CTNNBIP1: variants seen among roughly 807,000 people sequenced by gnomAD.
The protein encoded by CTNNBIP1 is beta-catenin-interacting protein 1.
A neutral mutation model predicts 11.8 loss-of-function variants in CTNNBIP1; 7 were observed. That is an observed-to-expected ratio of 0.60 (90% CI 0.34 to 1.12). The LOEUF (loss-of-function observed/expected upper bound fraction) is 1.12. Ranked by LOEUF, CTNNBIP1 falls within the 50% of genes most tolerant of loss-of-function variation. CTNNBIP1 has a pLI of 0.03. For missense variants in CTNNBIP1, 101 were observed against 113.4 expected, an observed-to-expected ratio of 0.89 and a Z score of 0.50; for synonymous variants, 58 against 43.9, an observed-to-expected ratio of 1.32 and a Z score of -1.26.
chr1:9,854,473 A>G (rs1638461732), intron 5 of CTNNBIP1, among the ~76,000 whole-genome samples: 1 of 152,140 alleles, frequency 6.6e-6, no homozygotes. Flanking sequence ...TTTGTTGTGA[A>G]AACTCTCCCT....
In CTNNBIP1 at chr1:9,892,826, T is replaced by C. The variant is rs1639336423; in HGVS notation, c.-143-9088A>G. Among the ~76,000 whole-genome samples, 4 of 152,242 alleles carry C rather than the reference T, an allele frequency of 2.6e-5. No individual in the cohort carries two copies. The South Asian group carries it at 6.2e-4, about 24-fold the overall frequency. On this transcript the variant is annotated intron_variant, in intron 1 of 5. Transcript: ENST00000377263. ...AAGCAGGAGGCGACCTTCCTGATCCTTTCCCCTCCAGCTACCTCGGAACAA... is the reference window on the plus strand; with the variant it reads ...AAGCAGGAGGCGACCTTCCTGATCCCTTCCCCTCCAGCTACCTCGGAACAA...
chr1:9,885,811 G>A (rs768663258), intron 1 of CTNNBIP1, among the ~76,000 whole-genome samples: 6 of 151,976 alleles, frequency 3.9e-5, no homozygotes, highest in Non-Finnish European at 7.4e-5. Flanking sequence ...TGTTGGTAGT[G>A]CATGCCTGTA....
intron 1 of CTNNBIP1, among the ~76,000 whole-genome samples, chr1:9,900,239 C>CA (rs1322876889): frequency 6.6e-6 from 1 of 151,492 alleles, no homozygotes; most frequent in African/African-American, 2.4e-5. Flanking sequence ...ACTAAAAATA[C>CA]AAAAAATTAG....
intron 5 of CTNNBIP1, among the ~76,000 whole-genome samples, chr1:9,866,346 G>C (rs1638745205): frequency 6.6e-6 from 1 of 152,210 alleles, no homozygotes. Context: ...TGCTCACCAA[G>C]CTAAAGGGGC....
Position 9,854,626 on chromosome 1 carries a change from T to C in CTNNBIP1, c.188-3850A>G, listed in dbSNP as rs151114460. Among the ~76,000 whole-genome samples, 843 of 152,218 alleles carry C rather than the reference T, an allele frequency of 5.5e-3. 11 individuals carry two copies. Among genetic ancestry groups the C allele is most frequent in the African/African-American group, 0.02 (810 of 41,536 alleles). On this transcript the variant is annotated intron_variant, in intron 5 of 5. Transcript: ENST00000377263. ...AAAGGAAGAAGTAAAACTATCCCTA[T>C]TTGTAGATGACATGATCTTATATGT...
At chr1:9,863,395 C>G (rs1321064114) in intron 5 of CTNNBIP1, among the ~76,000 whole-genome samples, 1 of 152,222 alleles carries the variant, frequency 6.6e-6, no homozygotes, top group African/African-American at 2.4e-5. Flanking sequence ...ACTATAATTT[C>G]AGTGCAGAGT....
chr1:9,873,839 A>G (rs756606543), intron 3 of CTNNBIP1, among the ~76,000 whole-genome samples: 2 of 152,072 alleles, frequency 1.3e-5, no homozygotes, highest in African/African-American at 2.4e-5. Flanking sequence ...GGCTTTAGCA[A>G]TCCTCCCAAC....
chr1:9,899,900 C>T (rs1455264746), intron 1 of CTNNBIP1, among the ~76,000 whole-genome samples: 9 of 151,554 alleles, frequency 5.9e-5, no homozygotes, highest in Non-Finnish European at 1.2e-4. Context: ...ATGGCAAAGC[C>T]CCACCTTTAC....
At chr1:9,890,772 G>A (rs1380557263) in intron 1 of CTNNBIP1, among the ~76,000 whole-genome samples, 1 of 152,194 alleles carries the variant, frequency 6.6e-6, no homozygotes, top group African/African-American at 2.4e-5. Context: ...GGCATCAAAA[G>A]ATCCTCTGTG....
At chr1:9,888,672 C>G (rs1285543885) in intron 1 of CTNNBIP1, among the ~76,000 whole-genome samples, 1 of 152,242 alleles carries the variant, frequency 6.6e-6, no homozygotes, top group African/African-American at 2.4e-5. Context: ...GCTAGCCCTC[C>G]TCCAGTGGGG....
rs1638863540 is a variant in CTNNBIP1, at chr1:9,871,666, C to T, written c.96+303G>A. Among the ~76,000 whole-genome samples, 1 of 152,174 alleles carries T rather than the reference C, an allele frequency of 6.6e-6. No individual in the cohort carries two copies. The highest frequency in any genetic ancestry group is 1.5e-5 in the Non-Finnish European group (1 of 68,026). On this transcript the variant is annotated intron_variant, in intron 4 of 5. Coordinates refer to ENST00000377263, the MANE Select transcript of CTNNBIP1 (RefSeq NM_020248.3). This position sits in a 1 kb window ranked among gnomAD's most constrained non-coding sequence, Gnocchi z 5.2. ...TCCTGACAAGTTGTCCCTGAGCTGCCCCCTGGGAGAGAAGACTTTCGGGCT... is the reference window on the plus strand; with the variant it reads ...TCCTGACAAGTTGTCCCTGAGCTGCTCCCTGGGAGAGAAGACTTTCGGGCT...
Position 9,850,537 on chromosome 1 carries a change from C to T in CTNNBIP1, c.*181G>A. The T allele has an allele frequency of 1.6e-6, 1 of 614,868 alleles. No individual in the cohort carries two copies. Among genetic ancestry groups the T allele is most frequent in the Non-Finnish European group, 3.0e-6 (1 of 333,652 alleles). The allele number at this position is 614,868 out of a possible 1,614,324, so 38.1% of individuals were successfully genotyped here. A position where few individuals can be genotyped will look rare whatever the true frequency, so the allele number is the denominator to read the frequency against. On this transcript the variant is annotated 3_prime_UTR_variant, in exon 6 of 6. Transcript: ENST00000377263. ...CCCTTTAAGCCAATTATAAACGCACCACTGGTGTCTCCCTTGATGCCAGCC... is the reference window on the plus strand; with the variant it reads ...CCCTTTAAGCCAATTATAAACGCACTACTGGTGTCTCCCTTGATGCCAGCC...
chr1:9,858,108 C>T (rs1638546054), intron 5 of CTNNBIP1, among the ~76,000 whole-genome samples: 1 of 152,206 alleles, frequency 6.6e-6, no homozygotes, highest in African/African-American at 2.4e-5. Context: ...ATTGACTCTA[C>T]TTCGCTACTT....
intron 5 of CTNNBIP1, among the ~76,000 whole-genome samples, chr1:9,856,584 T>G (rs1398489391): frequency 1.3e-5 from 2 of 149,516 alleles, no homozygotes; most frequent in African/African-American, 2.5e-5. Flanking sequence ...GTGATCTCAA[T>G]CTCACCACAA....
chr1:9,866,392 A>G (rs924354745), intron 5 of CTNNBIP1, among the ~76,000 whole-genome samples: 2 of 152,182 alleles, frequency 1.3e-5, no homozygotes, highest in Non-Finnish European at 2.9e-5. Context: ...GAGCCACTGA[A>G]TGATTTTAAG....
At position 9,848,861 on chromosome 1, in the gene CTNNBIP1, G is replaced by A. The variant is rs1490357382; in HGVS notation, c.*1857C>T. On this transcript the variant is annotated 3_prime_UTR_variant, in exon 6 of 6. Coordinates refer to ENST00000377263, the MANE Select transcript of CTNNBIP1 (RefSeq NM_020248.3). This position sits in a 1 kb window ranked among gnomAD's most constrained non-coding sequence, Gnocchi z 4.3. ...ATCCTCCTTCTGGAACAGGCTGATG[G>A]TGCCAGAGCACAGCACGAACCACCT... 6.6e-6 allele frequency: 1 copy of A among 152,342 alleles called. No individual in the cohort carries two copies. The highest frequency in any genetic ancestry group is 1.9e-4 in the East Asian group (1 of 5,192). 9.4% of individuals were successfully genotyped at this position (152,342 alleles called of 1,614,324 possible). A position where few individuals can be genotyped will look rare whatever the true frequency, so the allele number is the denominator to read the frequency against.
At chr1:9,909,303 T>C (rs990811053) in intron 1 of CTNNBIP1, among the ~76,000 whole-genome samples, 2 of 151,502 alleles carry the variant, frequency 1.3e-5, no homozygotes, top group Admixed American at 1.3e-4. Context: ...AGACAGGAGG[T>C]GGTGCAAGCC....
chr1:9,890,314 T>C (rs1221976196), intron 1 of CTNNBIP1, among the ~76,000 whole-genome samples: 1 of 152,204 alleles, frequency 6.6e-6, no homozygotes, highest in Non-Finnish European at 1.5e-5. Flanking sequence ...CTGGGCTATG[T>C]CTTCAGGCTC....
rs555868191 is a variant in CTNNBIP1, at chr1:9,851,994, C to G, written c.188-1218G>C. On this transcript the variant is annotated intron_variant, in intron 5 of 5. Transcript: ENST00000377263. The surrounding 1 kb of genome is among the most constrained non-coding windows in gnomAD (Gnocchi z 4.8). ...GCCCCGAAAAGTACCAGTCTGGCTG[C>G]CCATGGTCTTTCTGACATGTTGTCT... 1.8e-3 allele frequency among the ~76,000 whole-genome samples: 281 copies of G among 152,324 alleles called. 1 individual carries two copies. Among genetic ancestry groups the G allele is most frequent in the African/African-American group, 6.5e-3 (272 of 41,570 alleles).
Sources: allele counts gnomAD v4.1 joint callset (sites outside exome capture counted in the v4.1 genomes callset), GRCh38; gene constraint gnomAD v4.1.1; non-coding constraint Gnocchi (gnomAD v3.1); transcripts MANE v1.5; gene names NCBI Gene and HGNC (gene_info 2026-07-23, HGNC 2026-07-21).